TMEM108: variants seen among roughly 807,000 people sequenced by gnomAD.
The protein encoded by TMEM108 is cancer/testis antigen 124.
A neutral mutation model predicts 35.1 loss-of-function variants in TMEM108; 12 were observed. That is an observed-to-expected ratio of 0.34 (90% CI 0.22 to 0.55). The LOEUF (loss-of-function observed/expected upper bound fraction) is 0.55. Among genes scored for constraint, TMEM108 ranks in the 20% least tolerant of loss-of-function variants. The probability of loss-of-function intolerance (pLI) is 0.89; values close to 1 mark genes in which losing one functional copy is unlikely to be tolerated. For missense variants in TMEM108, 680 were observed against 753.3 expected (o/e 0.90, Z 1.14); for synonymous variants, 287 against 308.6 (o/e 0.93, Z 0.73).
At chr3:133,079,067 A>T (rs1576307311) in intron 2 of TMEM108, among the ~76,000 whole-genome samples, 1 of 152,216 alleles carries the variant, frequency 6.6e-6, no homozygotes, top group African/African-American at 2.4e-5. Context: ...CCGGTGGTAT[A>T]TAATTAGGTT....
chr3:133,071,280 A>C (rs1342288324), intron 2 of TMEM108, among the ~76,000 whole-genome samples: 1 of 152,036 alleles, frequency 6.6e-6, no homozygotes, highest in Non-Finnish European at 1.5e-5. Flanking sequence ...GGGTGTCAGC[A>C]GGGTTGGTTT....
chr3:133,039,368 G>A (rs1434896800), intron 1 of TMEM108, among the ~76,000 whole-genome samples: 3 of 152,172 alleles, frequency 2.0e-5, no homozygotes, highest in African/African-American at 7.2e-5. Context: ...GGAGAGGGAA[G>A]GCAGGGTCTA....
chr3:133,333,333 T>C (rs1323930120), intron 3 of TMEM108, among the ~76,000 whole-genome samples: 1 of 151,912 alleles, frequency 6.6e-6, no homozygotes, highest in Non-Finnish European at 1.5e-5. Context: ...TTTTTTCACC[T>C]TCTTTACTCT....
At chr3:133,337,159 GCTGACTTCTCCAC>G (rs939055033) in intron 3 of TMEM108, among the ~76,000 whole-genome samples, 9 of 152,182 alleles carry the variant, frequency 5.9e-5, no homozygotes, top group Non-Finnish European at 1.5e-5. Flanking sequence ...AACAAACCTG[GCTGACTTCTCCAC>G]CTGCTGATCA....
chr3:133,066,482 A>C (rs1017324059), intron 2 of TMEM108, among the ~76,000 whole-genome samples: 2 of 152,202 alleles, frequency 1.3e-5, no homozygotes, highest in Non-Finnish European at 2.9e-5. Context: ...AAGGTCTGAG[A>C]AAATTGCTGG....
chr3:133,344,641 C>A (rs1411493466), intron 3 of TMEM108, among the ~76,000 whole-genome samples: 1 of 151,666 alleles, frequency 6.6e-6, no homozygotes, highest in Non-Finnish European at 1.5e-5. Context: ...AACAATCACA[C>A]TTATGAATTA....
intron 3 of TMEM108, among the ~76,000 whole-genome samples, chr3:133,229,605 A>G (rs896047218): frequency 6.6e-6 from 1 of 152,226 alleles, no homozygotes; most frequent in African/African-American, 2.4e-5. Flanking sequence ...CAACTTGGAC[A>G]TCAGTTATAA....
At chr3:133,224,966 C>T (rs1946047413) in intron 2 of TMEM108, among the ~76,000 whole-genome samples, 1 of 152,128 alleles carries the variant, frequency 6.6e-6, no homozygotes, top group Middle Eastern at 3.4e-3. Flanking sequence ...TGTGTATCGT[C>T]TCCTCAGCCT....
At chr3:133,161,239 C>T (rs1228203730) in intron 2 of TMEM108, among the ~76,000 whole-genome samples, 1 of 152,158 alleles carries the variant, frequency 6.6e-6, no homozygotes, top group East Asian at 1.9e-4. Context: ...GCAGTTTCTG[C>T]TTCCTGGAAT....
intron 2 of TMEM108, among the ~76,000 whole-genome samples, chr3:133,144,001 C>A (rs1473829233): frequency 1.4e-5 from 2 of 143,058 alleles, no homozygotes; most frequent in Admixed American, 1.4e-4. Flanking sequence ...GCTTTAAATT[C>A]TGGGGTACAT....
chr3:133,068,720 A>T (rs1458456371), intron 2 of TMEM108, among the ~76,000 whole-genome samples: 1 of 152,182 alleles, frequency 6.6e-6, no homozygotes, highest in African/African-American at 2.4e-5. Flanking sequence ...CATTTGCAGC[A>T]CCTGTTACCT....
At chr3:133,072,988 C>T (rs796237518) in intron 2 of TMEM108, among the ~76,000 whole-genome samples, 6 of 152,206 alleles carry the variant, frequency 3.9e-5, no homozygotes, top group African/African-American at 1.4e-4. Flanking sequence ...CTTGGTACTT[C>T]ATTCCTATTT....
intron 2 of TMEM108, among the ~76,000 whole-genome samples, chr3:133,048,689 C>T (rs1943367936): frequency 6.6e-6 from 1 of 152,190 alleles, no homozygotes; most frequent in Non-Finnish European, 1.5e-5. Flanking sequence ...TTTGGATCTA[C>T]TATGTAGAGA....
chr3:133,259,575 A>G (rs576880363), intron 3 of TMEM108, among the ~76,000 whole-genome samples: 2 of 152,348 alleles, frequency 1.3e-5, no homozygotes, highest in Admixed American at 1.3e-4. Flanking sequence ...TTGAATTAAG[A>G]TTTTAATTCC....
At chr3:133,324,722 A>T (rs1196362228) in intron 3 of TMEM108, among the ~76,000 whole-genome samples, 1 of 152,208 alleles carries the variant, frequency 6.6e-6, no homozygotes, top group Non-Finnish European at 1.5e-5. Flanking sequence ...TCACACCTGT[A>T]ATCCCAGCAC....
At chr3:133,343,917 C>T (rs907156043) in intron 3 of TMEM108, among the ~76,000 whole-genome samples, 1 of 151,918 alleles carries the variant, frequency 6.6e-6, no homozygotes, top group South Asian at 2.1e-4. Context: ...GAACAACATA[C>T]GTTTAAACTG....
At chr3:133,153,267 C>T (rs910276565) in intron 2 of TMEM108, among the ~76,000 whole-genome samples, 2 of 152,098 alleles carry the variant, frequency 1.3e-5, no homozygotes, top group Non-Finnish European at 2.9e-5. Context: ...ACTCCAAAGT[C>T]CCTTCCAGCC....
At chr3:133,066,952 T>C (rs1012398370) in intron 2 of TMEM108, among the ~76,000 whole-genome samples, 1 of 152,212 alleles carries the variant, frequency 6.6e-6, no homozygotes, top group African/African-American at 2.4e-5. Context: ...CTTCTTGTGC[T>C]CAGCACTGAG....
chr3:133,340,214 A>T (rs528818704), intron 3 of TMEM108, among the ~76,000 whole-genome samples: 7 of 151,852 alleles, frequency 4.6e-5, no homozygotes, highest in Non-Finnish European at 1.0e-4. Context: ...TAGCTAAGAA[A>T]AAAAGAAGAC....
Sources: allele counts gnomAD v4.1 joint callset (sites outside exome capture counted in the v4.1 genomes callset), GRCh38; gene constraint gnomAD v4.1.1; transcripts MANE v1.5; gene names NCBI Gene and HGNC (gene_info 2026-07-23, HGNC 2026-07-21).